CSMD1: variants seen among roughly 807,000 people sequenced by gnomAD.
CSMD1 encodes CUB and sushi domain-containing protein 1.
Under a neutral mutation model 417.5 loss-of-function variants are expected in CSMD1, and 213 were observed. The ratio of observed to expected loss-of-function variants is 0.51; its 90% CI spans 0.46 to 0.57. The LOEUF (loss-of-function observed/expected upper bound fraction) is 0.57. Among genes scored for constraint, CSMD1 ranks in the 20% least tolerant of loss-of-function variants. The probability of loss-of-function intolerance (pLI) is 0.00; values close to 1 mark genes in which losing one functional copy is unlikely to be tolerated. For synonymous variants in CSMD1, 2,862 were observed against 1,736.8 expected, an observed-to-expected ratio of 1.65 and a Z score of -16.11; for missense variants, 6,923 against 4,529.7, an observed-to-expected ratio of 1.53 and a Z score of -15.17.
chr8:3,126,036 G>C (rs1322703023), intron 41 of CSMD1, among the ~76,000 whole-genome samples: 1 of 152,206 alleles, frequency 6.6e-6, no homozygotes, highest in Non-Finnish European at 1.5e-5. Flanking sequence ...TACCTCGGCA[G>C]TACATACATG....
In CSMD1 at chr8:3,965,072, C is replaced by G. The variant is rs17068244; in HGVS notation, c.818+32831G>C. ...ATATTGAGATAAAATCCATAAAGCA[C>G]TCGCCGCAGTAGCTGACTTAGTAAA... is the stretch of plus-strand genomic sequence containing the variant. On this transcript the variant is annotated intron_variant, in intron 5 of 69. Coordinates refer to ENST00000635120, the MANE Select transcript of CSMD1 (RefSeq NM_033225.6). Among the ~76,000 whole-genome samples the G allele has an allele frequency of 9.5e-3, 1,445 of 152,274 alleles. 19 individuals are homozygous for G. The highest frequency in any genetic ancestry group is 0.032 in the African/African-American group (1,333 of 41,548).
chr8:4,972,396 C>T (rs1048485624), intron 1 of CSMD1, among the ~76,000 whole-genome samples: 1 of 152,124 alleles, frequency 6.6e-6, no homozygotes, highest in East Asian at 1.9e-4. Context: ...ATGCTGTTCT[C>T]ATGATAGCAA....
chr8:3,968,790 A>G (rs1161842992), intron 5 of CSMD1, among the ~76,000 whole-genome samples: 1 of 152,194 alleles, frequency 6.6e-6, no homozygotes, highest in African/African-American at 2.4e-5. Flanking sequence ...TGTAATTACA[A>G]TACAAAATTA....
intron 1 of CSMD1, among the ~76,000 whole-genome samples, chr8:4,898,520 A>T (rs952825890): frequency 6.6e-6 from 1 of 152,220 alleles, no homozygotes; most frequent in African/African-American, 2.4e-5. Context: ...GAAGGACAAT[A>T]AAACAGGTCT....
chr8:4,075,669 G>A (rs954663011), intron 3 of CSMD1, among the ~76,000 whole-genome samples: 3 of 152,234 alleles, frequency 2.0e-5, no homozygotes, highest in South Asian at 2.1e-4. Context: ...TTTGTGAGAC[G>A]TTTTGGAGCA....
chr8:4,706,870 G>T (rs1020282030), intron 1 of CSMD1, among the ~76,000 whole-genome samples: 1 of 152,210 alleles, frequency 6.6e-6, no homozygotes, highest in Non-Finnish European at 1.5e-5. Flanking sequence ...CAAGTAGCAA[G>T]GGCAGTTCAG....
At chr8:4,365,554 G>C (rs999779675) in intron 3 of CSMD1, among the ~76,000 whole-genome samples, 4 of 152,178 alleles carry the variant, frequency 2.6e-5, no homozygotes, top group Admixed American at 1.3e-4. Context: ...AGTTACTTAT[G>C]ATTGTGCCTC....
At chr8:4,169,664 C>T (rs1266585678) in intron 3 of CSMD1, among the ~76,000 whole-genome samples, 3 of 152,114 alleles carry the variant, frequency 2.0e-5, no homozygotes, top group Non-Finnish European at 4.4e-5. Context: ...GAGCCAACGC[C>T]GGAAGAGCAC....
In CSMD1 at chr8:4,358,010, T is replaced by A. The variant is rs537382369; in HGVS notation, c.415+61943A>T. 9.2e-5 allele frequency among the ~76,000 whole-genome samples: 14 copies of A among 152,290 alleles called. No homozygotes were observed. The South Asian group carries it at 2.7e-3, about 29-fold the overall frequency. On this transcript the variant is annotated intron_variant, in intron 3 of 69. Transcript: ENST00000635120. The stretch of plus-strand genomic sequence containing the variant: ...AATAAACATCTCCCTCCCCTTCCCA[T>A]GGAACTTCTGTCCTGAGGAATACAC...
chr8:3,516,973 G>C (rs143823451), intron 10 of CSMD1, among the ~76,000 whole-genome samples: 2 of 152,344 alleles, frequency 1.3e-5, no homozygotes, highest in East Asian at 3.9e-4. Context: ...CTGTAAGAAT[G>C]AGGGTGAAAA....
chr8:3,551,581 T>C (rs1798913207), intron 10 of CSMD1, among the ~76,000 whole-genome samples: 1 of 102,710 alleles, frequency 9.7e-6, no homozygotes, highest in Non-Finnish European at 2.0e-5. Flanking sequence ...TAAATATGTA[T>C]ATATATATAT....
intron 1 of CSMD1, among the ~76,000 whole-genome samples, chr8:4,951,487 C>G (rs914963963): frequency 7.7e-6 from 1 of 130,056 alleles, no homozygotes; most frequent in Non-Finnish European, 1.6e-5. Context: ...GAAAAGGAAA[C>G]AGAACAGGGA....
chr8:4,584,317 T>C (rs1193073605), intron 2 of CSMD1, among the ~76,000 whole-genome samples: 2 of 151,786 alleles, frequency 1.3e-5, no homozygotes, highest in East Asian at 3.9e-4. Flanking sequence ...CCGTCGCCTA[T>C]CGCCGAGTAG....
chr8:4,852,687 C>A (rs117169473), intron 1 of CSMD1, among the ~76,000 whole-genome samples: 5 of 151,922 alleles, frequency 3.3e-5, no homozygotes, highest in African/African-American at 1.2e-4. Flanking sequence ...ACTCAAAAGA[C>A]GACAGGAAGA....
chr8:4,488,690 G>T (rs896663734), intron 2 of CSMD1, among the ~76,000 whole-genome samples: 3 of 151,882 alleles, frequency 2.0e-5, no homozygotes, highest in South Asian at 2.1e-4. Context: ...GCGGTGGGGG[G>T]GGTGAAAAGT....
At chr8:3,287,766 C>A (rs930094277) in intron 25 of CSMD1, among the ~76,000 whole-genome samples, 1 of 152,066 alleles carries the variant, frequency 6.6e-6, no homozygotes, top group Non-Finnish European at 1.5e-5. Flanking sequence ...AATTTGACTT[C>A]CTCTTTTCCT....
At chr8:4,185,871 G>C (rs1038415185) in intron 3 of CSMD1, among the ~76,000 whole-genome samples, 9 of 152,180 alleles carry the variant, frequency 5.9e-5, no homozygotes, top group East Asian at 1.9e-4. Flanking sequence ...TTGTAGGCCT[G>C]AGTACTAAGA....
intron 26 of CSMD1, among the ~76,000 whole-genome samples, chr8:3,282,524 G>C (rs992991461): frequency 1.4e-5 from 2 of 141,156 alleles, no homozygotes; most frequent in African/African-American, 2.6e-5. Context: ...CATTTCAAAA[G>C]ATTAAGAAAA....
intron 1 of CSMD1, among the ~76,000 whole-genome samples, chr8:4,680,103 G>A (rs1805944755): frequency 6.6e-6 from 1 of 152,162 alleles, no homozygotes; most frequent in Non-Finnish European, 1.5e-5. Flanking sequence ...ACAAATCATA[G>A]ATACCTTGCA....
Sources: allele counts gnomAD v4.1 joint callset (sites outside exome capture counted in the v4.1 genomes callset), GRCh38; gene constraint gnomAD v4.1.1; transcripts MANE v1.5; gene names NCBI Gene and HGNC (gene_info 2026-07-23, HGNC 2026-07-21).